ARMC9: variants seen among roughly 807,000 people sequenced by gnomAD.
The protein encoded by ARMC9 is lisH domain-containing protein ARMC9.
A neutral mutation model predicts 107.0 loss-of-function variants in ARMC9; 94 were observed. That is an observed-to-expected ratio of 0.88 (90% CI 0.74 to 1.04). The LOEUF (loss-of-function observed/expected upper bound fraction) is 1.04, where lower values mean the gene tolerates loss of function less well. Ranked by LOEUF, ARMC9 falls within the 50% of genes least tolerant of loss-of-function variation. The pLI, the probability that ARMC9 is intolerant of heterozygous loss-of-function variation, is 0.00. For missense variants in ARMC9, 942 were observed against 1,030.1 expected, an observed-to-expected ratio of 0.91 and a Z score of 1.17; for synonymous variants, 380 against 396.9, an observed-to-expected ratio of 0.96 and a Z score of 0.51.
intron 5 of ARMC9, among the ~76,000 whole-genome samples, chr2:231,219,353 G>T (rs1441818725): frequency 6.6e-6 from 1 of 152,096 alleles, no homozygotes; most frequent in African/African-American, 2.4e-5. Flanking sequence ...TTTCCTTGAA[G>T]ATCTCTTCTT....
chr2:231,204,627 T>C (rs970250871), intron 1 of ARMC9, among the ~76,000 whole-genome samples: 1 of 152,034 alleles, frequency 6.6e-6, no homozygotes, highest in Non-Finnish European at 1.5e-5. Flanking sequence ...GGGGAACACC[T>C]GTCAGGTGCT....
chr2:231,306,729 A>G (rs1229512746), intron 19 of ARMC9, among the ~76,000 whole-genome samples: 1 of 152,024 alleles, frequency 6.6e-6, no homozygotes, highest in Non-Finnish European at 1.5e-5. Context: ...CTTCCAAGTG[A>G]GGCCTAAGAA....
intron 9 of ARMC9, among the ~76,000 whole-genome samples, chr2:231,242,041 C>T (rs1466892375): frequency 2.0e-5 from 3 of 152,120 alleles, no homozygotes; most frequent in East Asian, 1.9e-4. Flanking sequence ...CCCACAAGTC[C>T]GCCACATGTG....
intron 19 of ARMC9, among the ~76,000 whole-genome samples, chr2:231,316,558 A>G: frequency 6.6e-6 from 1 of 151,802 alleles, no homozygotes; most frequent in East Asian, 1.9e-4. Context: ...CTGAGGTGGG[A>G]GAATCGCTTG....
chr2:231,203,974 CAAAA>C (rs200938747), intron 1 of ARMC9, among the ~76,000 whole-genome samples: 2 of 149,580 alleles, frequency 1.3e-5, no homozygotes, highest in Non-Finnish European at 3.0e-5. Flanking sequence ...AACAAACAAA[CAAAA>C]AAAAACCTCA....
rs1490550188 is a variant in ARMC9, at chr2:231,328,816, TTTC to T, written c.1774-2974_1774-2972del. Among the ~76,000 whole-genome samples, 8 of 131,580 alleles carry T rather than the reference TTTC, an allele frequency of 6.1e-5. 3 individuals are homozygous for T. Among genetic ancestry groups the T allele is most frequent in the Non-Finnish European group, 1.0e-4 (6 of 59,384 alleles). The allele number at this position is 131,580 out of a possible 152,430, so 86.3% of individuals were successfully genotyped here. ...CGTGTTCAATTTTCTTTTCTTTTCTTTTCTTTTTTTTTTTTTGAGTCGGAGTCT... is the reference window on the plus strand; with the variant it reads ...CGTGTTCAATTTTCTTTTCTTTTCTTTTTTTTTTTTTTTGAGTCGGAGTCT... On this transcript the variant is annotated intron_variant, in intron 19 of 24. Coordinates refer to ENST00000611582, the MANE Select transcript of ARMC9 (RefSeq NM_001352754.2).
At chr2:231,237,209 C>CGTGTGTGTGT (rs1189504656) in intron 8 of ARMC9, among the ~76,000 whole-genome samples, 5 of 101,760 alleles carry the variant, frequency 4.9e-5, no homozygotes, top group Admixed American at 9.2e-5. Flanking sequence ...TGTGTGTGTA[C>CGTGTGTGTGT]ACACATGCGT....
intron 7 of ARMC9, among the ~76,000 whole-genome samples, chr2:231,232,977 A>C (rs1185335020): frequency 1.3e-5 from 2 of 152,000 alleles, no homozygotes; most frequent in East Asian, 1.9e-4. Flanking sequence ...CAGCCTACTG[A>C]GTAGCTGGGA....
At chr2:231,203,726 G>A (rs1394433838) in intron 1 of ARMC9, among the ~76,000 whole-genome samples, 2 of 152,100 alleles carry the variant, frequency 1.3e-5, no homozygotes, top group Admixed American at 6.6e-5. Flanking sequence ...TTGGGAGGCC[G>A]AGGCAGGTGG....
chr2:231,296,432 T>C (rs1330598124), intron 19 of ARMC9, among the ~76,000 whole-genome samples, 179 bp downstream of exon 19: 1 of 152,220 alleles, frequency 6.6e-6, no homozygotes, highest in Non-Finnish European at 1.5e-5. Flanking sequence ...TGGGGTCTCA[T>C]GTGGGGAGCC....
At chr2:231,242,206 T>C (rs7598662) in intron 9 of ARMC9, among the ~76,000 whole-genome samples, 77,992 of 151,414 alleles carry the variant, frequency 0.52, 23,026 homozygotes, top group African/African-American at 0.82. Flanking sequence ...CAGTTATTCC[T>C]GGTGCTAAGA....
chr2:231,223,916 G>C (rs17619859), intron 6 of ARMC9, among the ~76,000 whole-genome samples: 18,231 of 152,078 alleles, frequency 0.12, 2,122 homozygotes, highest in African/African-American at 0.29. Context: ...GATTTTCAGT[G>C]AAACTAGAAC....
In ARMC9 at chr2:231,235,332, T is replaced by G; in HGVS notation, c.731T>G (p.Val244Gly). The G allele has an allele frequency of 6.2e-7, 1 of 1,614,150 alleles. No individual in the cohort carries two copies. The highest frequency in any genetic ancestry group is 8.5e-7 in the Non-Finnish European group (1 of 1,180,026). ...IQADYHNLIGVTAELVDSLEA... is the reference protein window; with the variant it reads ...IQADYHNLIGGTAELVDSLEA... ...GCCGACTACCACAATCTCATTGGAGTCACAGCAGAGCTGGTGGATTCTCTA... is the reference window on the plus strand; with the variant it reads ...GCCGACTACCACAATCTCATTGGAGGCACAGCAGAGCTGGTGGATTCTCTA... Residue 244 changes from valine (V) to glycine (G), a missense_variant, in exon 8 of 25, where the codon GTC becomes GGC. Physicochemically the swap from Val to Gly is moderately radical, Grantham distance 109. Coordinates refer to ENST00000611582, the MANE Select transcript of ARMC9 (RefSeq NM_001352754.2).
At chr2:231,361,153 G>A (rs188406898) in intron 23 of ARMC9, among the ~76,000 whole-genome samples, 5 of 152,338 alleles carry the variant, frequency 3.3e-5, no homozygotes, top group African/African-American at 1.2e-4. Context: ...TTTCAAAACT[G>A]CCAGGCGGAC....
chr2:231,304,124 G>A lies in ARMC9; in HGVS notation c.1773+7871G>A, dbSNP rs543817904. On this transcript the variant is annotated intron_variant, in intron 19 of 24. Coordinates refer to ENST00000611582, the MANE Select transcript of ARMC9 (RefSeq NM_001352754.2). ...GCACGCCTGTAGTCCCAGCTACTCC[G>A]GAGACAAAGGCAGGAGAATTGCTTG... 5.3e-5 allele frequency among the ~76,000 whole-genome samples: 8 copies of A among 150,592 alleles called. No individual in the cohort carries two copies. The East Asian group carries it at 6.0e-4, about 11-fold the overall frequency.
intron 23 of ARMC9, among the ~76,000 whole-genome samples, chr2:231,361,116 A>C (rs1247352924): frequency 6.6e-6 from 1 of 152,218 alleles, no homozygotes; most frequent in Non-Finnish European, 1.5e-5. Flanking sequence ...AGGACACAGC[A>C]CTCAGAAGCA....
At chr2:231,251,752 G>T (rs1324709683) in intron 9 of ARMC9, among the ~76,000 whole-genome samples, 1 of 152,096 alleles carries the variant, frequency 6.6e-6, no homozygotes, top group East Asian at 1.9e-4. Flanking sequence ...TTGAGACAGG[G>T]TCTTGCTCTG....
chr2:231,229,557 T>A (rs558397590), intron 7 of ARMC9, among the ~76,000 whole-genome samples: 140 of 152,368 alleles, frequency 9.2e-4, no homozygotes, highest in African/African-American at 3.2e-3. Context: ...ATAGTATCTT[T>A]TGGCATTTCT....
chr2:231,354,404 CAG>C (rs754477910), intron 21 of ARMC9, among the ~76,000 whole-genome samples: 141 of 106,834 alleles, frequency 1.3e-3, no homozygotes, highest in Non-Finnish European at 1.8e-3. Context: ...TTTTTTGAGA[CAG>C]AGTCTCACTC....
Sources: gnomAD v4.1 joint callset for allele counts (sites outside exome capture counted in the v4.1 genomes callset) on GRCh38, gnomAD v4.1.1 for gene constraint, MANE v1.5 for transcripts, NCBI Gene and HGNC (gene_info 2026-07-23, HGNC 2026-07-21) for gene names.